Variants in LGALS3 observed in about 807,000 individuals in gnomAD.
The protein encoded by LGALS3 is galectin-3.
LGALS3 carries 18 observed loss-of-function variants against 20.7 expected under a neutral mutation model. The ratio of observed to expected loss-of-function variants is 0.87; its 90% CI spans 0.60 to 1.29. LGALS3 has a LOEUF of 1.29. Among genes scored for constraint, LGALS3 ranks in the 50% most tolerant of loss-of-function variants. The pLI, the probability that LGALS3 is intolerant of heterozygous loss-of-function variation, is 0.00. For missense variants in LGALS3, 315 were observed against 314.7 expected (o/e 1.00, Z -0.01); for synonymous variants, 112 against 119.6 (o/e 0.94, Z 0.42).
At chr14:55,144,426 G>C (rs1268359055) in intron 5 of LGALS3, among the ~76,000 whole-genome samples, 3 of 152,132 alleles carry the variant, frequency 2.0e-5, no homozygotes, top group African/African-American at 4.8e-5. Context: ...TTACAGGCGT[G>C]AGCCACCACA....
intron 1 of LGALS3, among the ~76,000 whole-genome samples, chr14:55,131,338 CAAAG>C (rs1359558633): frequency 6.6e-6 from 1 of 152,208 alleles, no homozygotes; most frequent in South Asian, 2.1e-4. Flanking sequence ...AGGTGCTTTA[CAAAG>C]ACTTTTCACT....
intron 3 of LGALS3, among the ~76,000 whole-genome samples, chr14:55,139,844 T>C (rs1881555044): frequency 6.6e-6 from 1 of 152,196 alleles, no homozygotes; most frequent in Non-Finnish European, 1.5e-5. Context: ...AGCACTCTGC[T>C]GGAGCCATGT....
intron 1 of LGALS3, among the ~76,000 whole-genome samples, chr14:55,131,295 A>G (rs1366217143): frequency 6.6e-6 from 1 of 152,198 alleles, no homozygotes; most frequent in African/African-American, 2.4e-5. Flanking sequence ...CGGTCTTTAA[A>G]CTATGATAGT....
At chr14:55,137,680 G>A (rs1242477338) in intron 2 of LGALS3, 1 of 1,408,190 alleles carries the variant, frequency 7.1e-7, no homozygotes, top group Non-Finnish European at 9.2e-7. Flanking sequence ...AATCCTCTGA[G>A]TAGCGGGAAG....
intron 3 of LGALS3, among the ~76,000 whole-genome samples, chr14:55,139,301 G>C (rs1451960211): frequency 1.3e-5 from 2 of 152,200 alleles, no homozygotes; most frequent in Non-Finnish European, 2.9e-5. Flanking sequence ...TGAGCAACTA[G>C]AGCCATCAGC....
chr14:55,145,352 T>A lies in LGALS3; in HGVS notation c.*81T>A. ...GTTTCATGTTCACTGTGAGTGAAAA[T>A]TTTTACATTCATCAATATCCCTCTT... On this transcript the variant is annotated 3_prime_UTR_variant, in exon 6 of 6. Coordinates refer to ENST00000254301, the MANE Select transcript of LGALS3 (RefSeq NM_002306.4). 1 of 1,592,792 alleles carries A rather than the reference T, an allele frequency of 6.3e-7. No individual in the cohort carries two copies. Among genetic ancestry groups the A allele is most frequent in the Admixed American group, 1.7e-5 (1 of 58,666 alleles).
At chr14:55,140,521 T>C (rs1246806247) in intron 4 of LGALS3, 158 bp downstream of exon 4, 2 of 565,876 alleles carry the variant, frequency 3.5e-6, no homozygotes, top group Admixed American at 3.2e-5. Flanking sequence ...TATACCATCA[T>C]ATAGGATTAT....
In LGALS3 at chr14:55,139,191, G is replaced by A. The variant is rs117433848; in HGVS notation, c.342+823G>A. The stretch of plus-strand genomic sequence containing the variant: ...AGAGAGAGGGAGACATGAAGGCTGT[G>A]GAAAGGAACAGGCAGATGTAAGAGA... On this transcript the variant is annotated intron_variant, in intron 3 of 5. Coordinates refer to ENST00000254301, the MANE Select transcript of LGALS3 (RefSeq NM_002306.4). Among the ~76,000 whole-genome samples, 101 of 152,206 alleles carry A rather than the reference G, an allele frequency of 6.6e-4. No individual in the cohort carries two copies. The East Asian group carries it at 0.017, about 26-fold the overall frequency.
intron 1 of LGALS3, among the ~76,000 whole-genome samples, chr14:55,133,437 C>G (rs184385433): frequency 1.1e-4 from 17 of 152,116 alleles, no homozygotes; most frequent in Admixed American, 1.0e-3. Context: ...ATCTGATAAC[C>G]AAGCCTGCTA....
At position 55,145,089 on chromosome 14, in the gene LGALS3, T is replaced by C. The variant is rs762418988; in HGVS notation, c.598-27T>C. 6.3e-6 allele frequency: 10 copies of C among 1,595,088 alleles called. No individual in the cohort carries two copies. In the Admixed American group the frequency reaches 1.2e-4, roughly 19 times the overall value. The stretch of plus-strand genomic sequence containing the variant: ...CAGCTGACATATGCATTACCTCATG[T>C]AACAGTTTATGTATATGCCATTTCA... On this transcript the variant is annotated intron_variant, in intron 5 of 5. Coordinates refer to ENST00000254301, the MANE Select transcript of LGALS3 (RefSeq NM_002306.4).
chr14:55,133,275 CTT>C (rs1881285048), intron 1 of LGALS3, among the ~76,000 whole-genome samples: 1 of 152,168 alleles, frequency 6.6e-6, no homozygotes, highest in African/African-American at 2.4e-5. Flanking sequence ...TGACAGATGA[CTT>C]TGGGCCACCA....
rs1881494891 is a variant in LGALS3, at chr14:55,138,326, CTACCCTGCCACTGGCCCCT to C, written c.301_319del (p.Tyr101MetfsTer8). Reference sequence around the variant, plus strand: ...CTGGACAGCCAAGTGCCACCGGAGCCTACCCTGCCACTGGCCCCTATGGCGCCCCTGCTGGGCCACTGGT... The same window carrying C: ...CTGGACAGCCAAGTGCCACCGGAGCCATGGCGCCCCTGCTGGGCCACTGGT... On this transcript the variant is annotated frameshift_variant, in exon 3 of 6. Transcript: ENST00000254301. LOFTEE classifies it high-confidence loss of function. 6.2e-7 allele frequency: 1 copy of C among 1,612,514 alleles called. No individual in the cohort carries two copies. The highest frequency in any genetic ancestry group is 1.3e-5 in the African/African-American group (1 of 74,912).
chr14:55,139,342 AG>A (rs1174483877), intron 3 of LGALS3, among the ~76,000 whole-genome samples: 1 of 152,200 alleles, frequency 6.6e-6, no homozygotes, highest in Non-Finnish European at 1.5e-5. Context: ...GAACTCATGA[AG>A]GGGAACTGAT....
Position 55,135,560 on chromosome 14 carries a change from G to GGTT in LGALS3, c.-4-1810_-4-1809insGTT, listed in dbSNP as rs1555380241. Among the ~76,000 whole-genome samples the GGTT allele has an allele frequency of 1.2e-3, 123 of 106,590 alleles. 1 individual carries two copies. Among genetic ancestry groups the GGTT allele is most frequent in the African/African-American group, 4.6e-3 (108 of 23,686 alleles). The allele number at this position is 106,590 out of a possible 152,430, so 69.9% of individuals were successfully genotyped here. A position where few individuals can be genotyped will look rare whatever the true frequency, so the allele number is the denominator to read the frequency against. On this transcript the variant is annotated intron_variant, in intron 1 of 5. Coordinates refer to ENST00000254301, the MANE Select transcript of LGALS3 (RefSeq NM_002306.4). ...ACCAAAAATAAGGTAATATTTTATGGTTTTTTTTTTTTTTTTTTTTTTTTG... is the reference window on the plus strand; with the variant it reads ...ACCAAAAATAAGGTAATATTTTATGGGTTTTTTTTTTTTTTTTTTTTTTTTTTG...
intron 1 of LGALS3, among the ~76,000 whole-genome samples, chr14:55,131,655 T>C (rs543809191): frequency 6.6e-6 from 1 of 152,206 alleles, no homozygotes; most frequent in Non-Finnish European, 1.5e-5. Context: ...AAATTCTGAG[T>C]GGGTAACTTA....
At chr14:55,133,827 CTTCT>C (rs1881303148) in intron 1 of LGALS3, among the ~76,000 whole-genome samples, 1 of 152,156 alleles carries the variant, frequency 6.6e-6, no homozygotes, top group South Asian at 2.1e-4. Context: ...ATGGAAATGC[CTTCT>C]TTATTTGACT....
chr14:55,131,126 G>A (rs1187195648), intron 1 of LGALS3, among the ~76,000 whole-genome samples: 1 of 152,148 alleles, frequency 6.6e-6, no homozygotes, highest in Non-Finnish European at 1.5e-5. Flanking sequence ...AGATTCTGGG[G>A]AGAAGTTTGA....
rs540554467 is a variant in LGALS3 at position 55,145,219 on chromosome 14, T to G, written c.701T>G (p.Leu234Arg). 1.7e-5 allele frequency: 27 copies of G among 1,613,796 alleles called. No individual in the cohort carries two copies. Among genetic ancestry groups the G allele is most frequent in the Non-Finnish European group, 2.2e-5 (26 of 1,179,934 alleles). ...AAAAAACTCAATGAAATCAGCAAAC[T>G]GGGAATTTCTGGTGACATAGACCTC... ...RVKKLNEISK[L>R]GISGDIDLTS... Residue 234 changes from leucine to arginine, a missense_variant, in exon 6 of 6, where the codon CTG (leucine) becomes CGG (arginine). Coordinates refer to ENST00000254301, the MANE Select transcript of LGALS3 (RefSeq NM_002306.4).
intron 3 of LGALS3, among the ~76,000 whole-genome samples, chr14:55,139,103 A>G (rs767886531): frequency 3.2e-4 from 48 of 152,186 alleles, no homozygotes; most frequent in Non-Finnish European, 5.1e-4. Flanking sequence ...AGTTTAGAGT[A>G]GAAAGACTTG....
Sources: gnomAD v4.1 joint callset for allele counts (sites outside exome capture counted in the v4.1 genomes callset) on GRCh38, gnomAD v4.1.1 for gene constraint, MANE v1.5 for transcripts, NCBI Gene and HGNC (gene_info 2026-07-23, HGNC 2026-07-21) for gene names.